Variants in SMTN observed in about 807,000 individuals in gnomAD.
SMTN encodes the protein smoothelin.
In SMTN, 58 loss-of-function variants were observed where a neutral mutation model predicts 102.0. The observed-to-expected ratio is 0.57, with a 90% CI of 0.46 to 0.71. The LOEUF is 0.71. Ranked by LOEUF, SMTN falls within the 30% of genes least tolerant of loss-of-function variation. SMTN has a pLI of 0.00. For synonymous variants in SMTN, 478 were observed against 497.9 expected (o/e 0.96, Z 0.53); for missense variants, 1,185 against 1,241.7 (o/e 0.95, Z 0.69).
chr22:31,104,177 C>G (rs1170904218), intron 20 of SMTN, 139 bp from the exon 21 acceptor site: 10 of 1,004,690 alleles, frequency 1.0e-5, no homozygotes, highest in Non-Finnish European at 1.4e-5. Context: ...GGCTTCCTGC[C>G]TTCCTGGAAG....
intron 1 of SMTN, among the ~76,000 whole-genome samples, chr22:31,071,814 G>A (rs555998304): frequency 2.1e-4 from 32 of 150,740 alleles, no homozygotes; most frequent in African/African-American, 6.8e-4. Context: ...TCCCACCTCA[G>A]CCTCCCAAGT....
chr22:31,103,925 G>A (rs1388180973), intron 20 of SMTN: 1 of 217,016 alleles, frequency 4.6e-6, no homozygotes, highest in Non-Finnish European at 9.3e-6. Flanking sequence ...GCCCATCTGG[G>A]TGCAAAGGCC....
chr22:31,101,258 G>A lies in SMTN; in HGVS notation c.*20+209G>A, dbSNP rs1157315638. Reference sequence around the variant, plus strand: ...TGATGACCCAGGTGGGCAGCACTGTGATGGGGGAAGCCCAGGGGAGATGCC... The same window carrying A: ...TGATGACCCAGGTGGGCAGCACTGTAATGGGGGAAGCCCAGGGGAGATGCC... On this transcript the variant is annotated intron_variant, in intron 20 of 20. Coordinates refer to ENST00000333137, the MANE Select transcript of SMTN (RefSeq NM_134269.3). 6 of 548,680 alleles carry A rather than the reference G, an allele frequency of 1.1e-5. No homozygotes were observed. The East Asian group carries it at 1.8e-4, about 16-fold the overall frequency. The allele number at this position is 548,680 out of a possible 1,614,324, so 34.0% of individuals were successfully genotyped here. A position where few individuals can be genotyped will look rare whatever the true frequency, so the allele number is the denominator to read the frequency against.
chr22:31,070,586 C>T (rs2041972135), intron 1 of SMTN, among the ~76,000 whole-genome samples: 1 of 152,142 alleles, frequency 6.6e-6, no homozygotes, highest in South Asian at 2.1e-4. Context: ...AGAGATAACT[C>T]CTCTGACCTC....
Position 31,087,964 on chromosome 22 carries a change from G to A in SMTN, c.52-1G>A, listed in dbSNP as rs1374013300. On this transcript the variant is annotated splice_acceptor_variant, in intron 2 of 20. Transcript: ENST00000333137. LOFTEE classifies it high-confidence loss of function. ...TGACCTGCCTCTCGCACCCACTGCA[G>A]CTGGAGGTCACAGCAGATCTGGCAG... 6.3e-7 allele frequency: 1 copy of A among 1,587,472 alleles called. No individual in the cohort carries two copies. Among genetic ancestry groups the A allele is most frequent in the East Asian group, 2.3e-5 (1 of 44,254 alleles).
At chr22:31,104,196 C>G (rs1453385946) in intron 20 of SMTN, 120 bp from the exon 21 acceptor site, 2 of 1,198,484 alleles carry the variant, frequency 1.7e-6, no homozygotes, top group Non-Finnish European at 2.3e-6. Context: ...AGGCTTTTCC[C>G]TGTCTGGAGT....
chr22:31,084,916 G>A, intron 2 of SMTN: 1 of 1,320,364 alleles, frequency 7.6e-7, no homozygotes, highest in Non-Finnish European at 9.8e-7. Flanking sequence ...CAAGAACGGG[G>A]GCGTCCCGAG....
intron 1 of SMTN, among the ~76,000 whole-genome samples, chr22:31,074,755 C>T (rs534011474): frequency 4.5e-4 from 69 of 152,232 alleles, no homozygotes; most frequent in African/African-American, 1.5e-3. Flanking sequence ...TGAGATTGTG[C>T]CATTGCACTC....
intron 20 of SMTN, chr22:31,102,961 C>G (rs1457802728): frequency 6.6e-6 from 1 of 152,242 alleles, no homozygotes; most frequent in Non-Finnish European, 1.5e-5. Flanking sequence ...CTCACTCATC[C>G]TAAATTCTTG....
rs1283157624 is a variant in SMTN, at chr22:31,087,933, C to T, written c.52-32C>T. ...GGTGCCAGCCCTCCGCCCCTGGCAG[C>T]CAAAATGACCTGCCTCTCGCACCCA... On this transcript the variant is annotated intron_variant, in intron 2 of 20. Transcript: ENST00000333137. The T allele has an allele frequency of 5.2e-6, 8 of 1,548,416 alleles. No homozygotes were observed. In the East Asian group the frequency reaches 1.6e-4, roughly 31 times the overall value.
chr22:31,099,576 T>C, intron 18 of SMTN, 169 bp from the exon 19 acceptor site: 1 of 693,578 alleles, frequency 1.4e-6, no homozygotes, highest in Non-Finnish European at 2.4e-6. Flanking sequence ...AATATGGGAG[T>C]TGACAGGCTG....
At chr22:31,075,360 A>G (rs2042102539) in intron 1 of SMTN, among the ~76,000 whole-genome samples, 1 of 152,180 alleles carries the variant, frequency 6.6e-6, no homozygotes, top group South Asian at 2.1e-4. Context: ...TCCTGTTATC[A>G]TCAGGGGCAG....
At position 31,104,555 on chromosome 22, in the gene SMTN, C is replaced by G. The variant is rs964517099; in HGVS notation, c.*260C>G. 19 of 1,374,522 alleles carry G rather than the reference C, an allele frequency of 1.4e-5. 1 individual carries two copies. Among genetic ancestry groups the G allele is most frequent in the Middle Eastern group, 1.9e-4 (1 of 5,206 alleles). The allele number at this position is 1,374,522 out of a possible 1,614,324, so 85.1% of individuals were successfully genotyped here. A position where few individuals can be genotyped will look rare whatever the true frequency, so the allele number is the denominator to read the frequency against. ...TGCCTGTGCGTCCGCCCACCGCTGC[C>G]CTGTCTGTTGCGACACCCTCCCCCC... is the stretch of plus-strand genomic sequence containing the variant. On this transcript the variant is annotated 3_prime_UTR_variant, in exon 21 of 21. Transcript: ENST00000333137.
chr22:31,071,680 T>TTC (rs975801635), intron 1 of SMTN, among the ~76,000 whole-genome samples: 53 of 145,796 alleles, frequency 3.6e-4, no homozygotes, highest in Middle Eastern at 3.5e-3. Flanking sequence ...AGCTCTCTCT[T>TTC]TCTCTCTCTC....
rs999367724 is a variant in SMTN, at chr22:31,083,286, G to C, written c.28G>C (p.Asp10His). The C allele has an allele frequency of 6.3e-7, 1 of 1,587,242 alleles. No homozygotes were observed. The highest frequency in any genetic ancestry group is 8.6e-7 in the Non-Finnish European group (1 of 1,169,212). ...GGCGGACGAGGCCTTAGCTGGGCTGGATGAGGGAGCCCTTCGGAAGCTGGT... is the reference window on the plus strand; with the variant it reads ...GGCGGACGAGGCCTTAGCTGGGCTGCATGAGGGAGCCCTTCGGAAGCTGGT... MADEALAGL[D>H]EGALRKLLEV... The change falls in exon 2 of 21, where the codon GAT (aspartate) becomes CAT (histidine). Residue 10 changes from aspartate to histidine, a missense_variant. Physicochemically the swap from Asp to His is moderately conservative, Grantham distance 81 (BLOSUM62 -1). This residue lies in a region of SMTN where 1,096 missense variants were observed against 1,112.7 expected (regional missense o/e 0.98). Coordinates refer to ENST00000333137, the MANE Select transcript of SMTN (RefSeq NM_134269.3).
At chr22:31,100,862 T>TCCCCGCCCCCCCCCCCC in intron 19 of SMTN, 23 bp from the exon 20 acceptor site, 1 of 805,002 alleles carries the variant, frequency 1.2e-6, no homozygotes, top group Non-Finnish European at 1.9e-6. Context: ...CCCCACCCCT[T>TCCCCGCCCCCCCCCCCC]CCCGGCCCCC....
chr22:31,083,453 T>TC, intron 2 of SMTN, 144 bp downstream of exon 2: 3 of 1,007,930 alleles, frequency 3.0e-6, no homozygotes, highest in Non-Finnish European at 4.2e-6. Flanking sequence ...GTAGGCCAGT[T>TC]CCATGTGGCT....
intron 2 of SMTN, chr22:31,084,977 TC>T: frequency 1.4e-6 from 2 of 1,458,754 alleles, no homozygotes; most frequent in Non-Finnish European, 1.8e-6. Context: ...CTAGGCCCGC[TC>T]CGCCCGCCCT....
At position 31,104,571 on chromosome 22, in the gene SMTN, C is replaced by A; in HGVS notation, c.*276C>A. 5 of 1,132,494 alleles carry A rather than the reference C, an allele frequency of 4.4e-6. No homozygotes were observed. The highest frequency in any genetic ancestry group is 6.5e-6 in the Non-Finnish European group (5 of 772,202). 70.2% of individuals were successfully genotyped at this position (1,132,494 alleles called of 1,614,324 possible). ...CACCGCTGCCCTGTCTGTTGCGACA[C>A]CCTCCCCCCCACATACACACGCAGC... On this transcript the variant is annotated 3_prime_UTR_variant, in exon 21 of 21. Transcript: ENST00000333137.
Sources: allele counts gnomAD v4.1 joint callset (sites outside exome capture counted in the v4.1 genomes callset), GRCh38; gene constraint gnomAD v4.1.1; regional missense constraint gnomAD v4.1.1; transcripts MANE v1.5; gene names NCBI Gene and HGNC (gene_info 2026-07-23, HGNC 2026-07-21).